Variants in GPR39 observed in about 807,000 individuals in gnomAD.
The protein encoded by GPR39 is zinc sensing receptor.
In GPR39, 23 loss-of-function variants were observed where a neutral mutation model predicts 18.4. The observed-to-expected ratio is 1.25, with a 90% confidence interval of 0.90 to 1.77. GPR39 has a LOEUF of 1.77. Ranked by LOEUF, GPR39 falls within the 40% of genes most tolerant of loss-of-function variation. The pLI, the probability that GPR39 is intolerant of heterozygous loss-of-function variation, is 0.00. For missense variants in GPR39, 647 were observed against 602.4 expected, an observed-to-expected ratio of 1.07 and a Z score of -0.78; for synonymous variants, 280 against 257.9, an observed-to-expected ratio of 1.09 and a Z score of -0.82.
chr2:132,434,608 C>T (rs1680279828), intron 1 of GPR39, among the ~76,000 whole-genome samples: 1 of 152,102 alleles, frequency 6.6e-6, no homozygotes, highest in Non-Finnish European at 1.5e-5. Context: ...TCTCATTACA[C>T]GTGGTACTCT....
At chr2:132,458,072 AC>A (rs1247005823) in intron 1 of GPR39, among the ~76,000 whole-genome samples, 2 of 152,000 alleles carry the variant, frequency 1.3e-5, no homozygotes, top group Non-Finnish European at 2.9e-5. Flanking sequence ...AAATCTCCTG[AC>A]CCCTTGCACA....
At chr2:132,598,771 C>G (rs986076057) in intron 1 of GPR39, among the ~76,000 whole-genome samples, 1 of 152,084 alleles carries the variant, frequency 6.6e-6, no homozygotes, top group African/African-American at 2.4e-5. Context: ...AGGCACTGGG[C>G]AGTCAATCTC....
chr2:132,492,868 G>GTACACCATATATA (rs1225211410), intron 1 of GPR39, among the ~76,000 whole-genome samples: 8 of 112,964 alleles, frequency 7.1e-5, no homozygotes, highest in African/African-American at 2.8e-4. Flanking sequence ...TACCATATAT[G>GTACACCATATATA]TACACCATAT....
intron 1 of GPR39, among the ~76,000 whole-genome samples, chr2:132,514,044 A>T (rs1380097745): frequency 3.3e-5 from 5 of 152,060 alleles, no homozygotes; most frequent in African/African-American, 1.2e-4. Context: ...GCCTCTGGGG[A>T]TGCCCTGATG....
At chr2:132,598,350 A>G (rs1445472386) in intron 1 of GPR39, among the ~76,000 whole-genome samples, 2 of 149,648 alleles carry the variant, frequency 1.3e-5, no homozygotes, top group Admixed American at 1.3e-4. Context: ...TGAGTTGGAT[A>G]AGAATCACCA....
chr2:132,631,809 TTTC>T (rs933296338), intron 1 of GPR39, among the ~76,000 whole-genome samples: 25 of 151,554 alleles, frequency 1.6e-4, no homozygotes, highest in Admixed American at 6.6e-4. Context: ...AAATGAAGTT[TTTC>T]TTCTTCTTCT....
intron 1 of GPR39, among the ~76,000 whole-genome samples, chr2:132,603,084 T>A (rs1681074447): frequency 6.6e-6 from 1 of 152,182 alleles, no homozygotes; most frequent in Non-Finnish European, 1.5e-5. Flanking sequence ...GATCTGCACT[T>A]CTGTGGTTAT....
chr2:132,422,089 TGAG>T (rs1680021667), intron 1 of GPR39, among the ~76,000 whole-genome samples: 1 of 152,240 alleles, frequency 6.6e-6, no homozygotes, highest in African/African-American at 2.4e-5. Flanking sequence ...CAATGTGGCT[TGAG>T]GGCACAATTT....
chr2:132,630,690 C>T (rs1322104885), intron 1 of GPR39, among the ~76,000 whole-genome samples: 1 of 152,010 alleles, frequency 6.6e-6, no homozygotes, highest in African/African-American at 2.4e-5. Context: ...GGTAGTAGCC[C>T]CAATCAGGGT....
At chr2:132,424,841 G>A (rs1289085646) in intron 1 of GPR39, among the ~76,000 whole-genome samples, 1 of 152,158 alleles carries the variant, frequency 6.6e-6, no homozygotes, top group Non-Finnish European at 1.5e-5. Flanking sequence ...AGCTGACACT[G>A]GTGAGTTCTC....
Position 132,645,768 on chromosome 2 carries a change from C to T in GPR39, c.*162C>T. On this transcript the variant is annotated 3_prime_UTR_variant, in exon 2 of 2. Transcript: ENST00000329321. ...CCTCAGTGACTTCTAAGGACTGACTCTGCCAGCCTGGCCTTGACTCCGGTT... is the reference window on the plus strand; with the variant it reads ...CCTCAGTGACTTCTAAGGACTGACTTTGCCAGCCTGGCCTTGACTCCGGTT... The T allele has an allele frequency of 9.7e-7, 1 of 1,027,736 alleles. No homozygotes were observed. The highest frequency in any genetic ancestry group is 1.4e-6 in the Non-Finnish European group (1 of 725,600). 63.7% of individuals were successfully genotyped at this position (1,027,736 alleles called of 1,614,324 possible). A position where few individuals can be genotyped will look rare whatever the true frequency, so the allele number is the denominator to read the frequency against.
chr2:132,645,694 C>A lies in GPR39; in HGVS notation c.*88C>A. 1 of 1,503,174 alleles carries A rather than the reference C, an allele frequency of 6.7e-7. No individual in the cohort carries two copies. The highest frequency in any genetic ancestry group is 8.9e-7 in the Non-Finnish European group (1 of 1,121,406). 93.1% of individuals were successfully genotyped at this position (1,503,174 alleles called of 1,614,324 possible). A position where few individuals can be genotyped will look rare whatever the true frequency, so the allele number is the denominator to read the frequency against. On this transcript the variant is annotated 3_prime_UTR_variant, in exon 2 of 2. Transcript: ENST00000329321. ...ACTCTGCAGTCTCAAACTATGCCCC[C>A]ATCAGGGATGGAATGGACACTGGAG... is the stretch of plus-strand genomic sequence containing the variant.
At chr2:132,614,543 A>T (rs1681298446) in intron 1 of GPR39, among the ~76,000 whole-genome samples, 1 of 151,396 alleles carries the variant, frequency 6.6e-6, no homozygotes, top group Admixed American at 6.6e-5. Context: ...CCAGCCAGCC[A>T]AGGAGCTTTC....
intron 1 of GPR39, among the ~76,000 whole-genome samples, chr2:132,494,696 C>G: frequency 6.6e-6 from 1 of 152,184 alleles, no homozygotes; most frequent in South Asian, 2.1e-4. Context: ...AACATCCAGG[C>G]ATGGGTTTTT....
intron 1 of GPR39, among the ~76,000 whole-genome samples, chr2:132,514,028 A>C (rs991650139): frequency 3.9e-5 from 6 of 152,046 alleles, no homozygotes; most frequent in Non-Finnish European, 8.8e-5. Context: ...TTTTCTTTTC[A>C]AGATGGCCTC....
intron 1 of GPR39, chr2:132,604,359 C>T (rs924885999): frequency 2.0e-5 from 3 of 152,186 alleles, no homozygotes; most frequent in African/African-American, 7.2e-5. Context: ...TATCAGAAGC[C>T]ATGGCTGTGG....
intron 1 of GPR39, among the ~76,000 whole-genome samples, chr2:132,527,938 G>T (rs1231798362): frequency 6.6e-6 from 1 of 152,052 alleles, no homozygotes; most frequent in Admixed American, 6.6e-5. Context: ...AGTTTAATTA[G>T]ATCCCATTTG....
At chr2:132,437,010 A>T (rs890654312) in intron 1 of GPR39, among the ~76,000 whole-genome samples, 2 of 152,214 alleles carry the variant, frequency 1.3e-5, no homozygotes, top group African/African-American at 4.8e-5. Flanking sequence ...AGATAAGCAA[A>T]TTGAAACACG....
intron 1 of GPR39, among the ~76,000 whole-genome samples, chr2:132,603,761 C>T (rs945074423): frequency 1.1e-4 from 17 of 152,274 alleles, no homozygotes; most frequent in Admixed American, 2.0e-4. Context: ...GAGCTATTCA[C>T]CAAAAGCTGA....
Sources: allele counts gnomAD v4.1 joint callset (sites outside exome capture counted in the v4.1 genomes callset), GRCh38; gene constraint gnomAD v4.1.1; transcripts MANE v1.5; gene names NCBI Gene and HGNC (gene_info 2026-07-23, HGNC 2026-07-21).